KANSL1: variants seen among roughly 807,000 people sequenced by gnomAD.
KANSL1 encodes the protein KAT8 regulatory NSL complex subunit 1.
Under a neutral mutation model 103.6 loss-of-function variants are expected in KANSL1, and 22 were observed. The ratio of observed to expected loss-of-function variants is 0.21; its 90% CI spans 0.15 to 0.30. The LOEUF is 0.30. Among genes scored for constraint, KANSL1 ranks in the 10% least tolerant of loss-of-function variants. KANSL1 has a pLI of 1.00. For missense variants in KANSL1, 1,337 were observed against 1,399.8 expected, an observed-to-expected ratio of 0.96 and a Z score of 0.72; for synonymous variants, 600 against 527.6, an observed-to-expected ratio of 1.14 and a Z score of -1.88.
intron 2 of KANSL1, among the ~76,000 whole-genome samples, chr17:46,155,675 C>A (rs1319501972): frequency 6.6e-6 from 1 of 152,050 alleles, no homozygotes; most frequent in Non-Finnish European, 1.5e-5. Flanking sequence ...GTTAAGAAAA[C>A]CTGCCTAAAA....
At chr17:46,121,270 G>A (rs2043268323) in intron 2 of KANSL1, 1 of 151,806 alleles carries the variant, frequency 6.6e-6, no homozygotes, top group Non-Finnish European at 1.5e-5. Context: ...TAGAGCAAGA[G>A]CTACAATCCT....
chr17:46,096,311 C>CTTTTTTTTTTTTTTTTTTTTT lies in KANSL1; in HGVS notation c.1290-1631_1290-1611dup, dbSNP rs71138525. Among the ~76,000 whole-genome samples the CTTTTTTTTTTTTTTTTTTTTT allele has an allele frequency of 3.0e-3, 228 of 76,382 alleles. 15 individuals carry two copies. Among genetic ancestry groups the CTTTTTTTTTTTTTTTTTTTTT allele is most frequent in the East Asian group, 8.7e-3 (18 of 2,072 alleles). 50.1% of individuals were successfully genotyped at this position (76,382 alleles called of 152,430 possible). A position where few individuals can be genotyped will look rare whatever the true frequency, so the allele number is the denominator to read the frequency against. On this transcript the variant is annotated intron_variant, in intron 2 of 14. Transcript: ENST00000432791. ...CATACTACATACCTGGCTTTTTTTT[C>CTTTTTTTTTTTTTTTTTTTTT]TTTTTTTTTTTTTTTTTTTTTGAGA...
At chr17:46,194,160 G>A (rs954273646), upstream of KANSL1, among the ~76,000 whole-genome samples, 11 of 152,256 alleles carry the variant, frequency 7.2e-5, no homozygotes, top group Non-Finnish European at 1.3e-4. Flanking sequence ...TGATGGCCCC[G>A]CCGGCGCCGG....
rs75793982 is a variant in KANSL1, at chr17:46,102,188, A to G, written c.1290-7487T>C. ...GTCTTAACCCATTCTCATCTGTCAC[A>G]TGACCTAGGTTGTGTCAGCTTTCTA... On this transcript the variant is annotated intron_variant, in intron 2 of 14. Transcript: ENST00000432791. Among the ~76,000 whole-genome samples the G allele has an allele frequency of 4.4e-3, 672 of 152,344 alleles. 9 individuals are homozygous for G. The highest frequency in any genetic ancestry group is 0.015 in the African/African-American group (639 of 41,576).
At chr17:46,179,793 G>A (rs975269829) in intron 1 of KANSL1, among the ~76,000 whole-genome samples, 1 of 152,250 alleles carries the variant, frequency 6.6e-6, no homozygotes, top group East Asian at 1.9e-4. Context: ...TTTGGGCCGG[G>A]CGCAGTGACT....
chr17:46,141,889 C>T (rs1348128664), intron 2 of KANSL1, among the ~76,000 whole-genome samples: 4 of 152,118 alleles, frequency 2.6e-5, no homozygotes, highest in Non-Finnish European at 5.9e-5. Context: ...TAGTTTCTTT[C>T]TTTATTTCTC....
At chr17:46,039,537 C>A in intron 8 of KANSL1, 165 bp downstream of exon 8, 1 of 757,052 alleles carries the variant, frequency 1.3e-6, no homozygotes, top group Non-Finnish European at 2.1e-6. Context: ...CGAAGTCCAT[C>A]TGAGAGCATC....
At chr17:46,097,292 C>T (rs1314809151) in intron 2 of KANSL1, among the ~76,000 whole-genome samples, 1 of 152,148 alleles carries the variant, frequency 6.6e-6, no homozygotes, top group African/African-American at 2.4e-5. Context: ...TAAGTACACA[C>T]AAGTAGTGAA....
At position 46,088,920 on chromosome 17, in the gene KANSL1, T is replaced by C. The variant is rs1208619942; in HGVS notation, c.1431+5640A>G. On this transcript the variant is annotated intron_variant, in intron 3 of 14. Transcript: ENST00000432791. ...ACTGCTTAGTCCCTATTCTTTCCCC[T>C]CATTTACCAGGTGTGAAATTTCAAC... 3.3e-5 allele frequency among the ~76,000 whole-genome samples: 5 copies of C among 152,100 alleles called. No individual in the cohort carries two copies. The East Asian group carries it at 9.6e-4, about 29-fold the overall frequency.
chr17:46,212,254 C>A lies in KANSL1; in HGVS notation c.-90+11417G>T, dbSNP rs185179469. ...TTTTTTTTTTTTAGACAGAGACTTG[C>A]TCTGTCAACAGGCTGGAGTGCAGTG... On this transcript the variant is annotated intron_variant, in intron 1 of 14. Coordinates refer to the KANSL1 transcript ENST00000572904. Among the ~76,000 whole-genome samples the A allele has an allele frequency of 9.2e-4, 140 of 151,626 alleles. 1 individual carries two copies. The highest frequency in any genetic ancestry group is 4.6e-3 in the East Asian group (24 of 5,162).
chr17:46,209,393 T>C (rs1232323331), intron 1 of KANSL1, among the ~76,000 whole-genome samples: 1 of 152,180 alleles, frequency 6.6e-6, no homozygotes, highest in Non-Finnish European at 1.5e-5. Flanking sequence ...CATACAAATC[T>C]CTAATAGTGA....
At chr17:46,182,240 G>T (rs1384708418) in intron 1 of KANSL1, among the ~76,000 whole-genome samples, 2 of 152,114 alleles carry the variant, frequency 1.3e-5, no homozygotes, top group Non-Finnish European at 2.9e-5. Context: ...GAGGAAACAC[G>T]AATCAAAAAA....
At chr17:46,067,516 C>T (rs1259465548) in intron 5 of KANSL1, 33 bp downstream of exon 5, 6 of 1,281,284 alleles carry the variant, frequency 4.7e-6, no homozygotes, top group Non-Finnish European at 6.8e-6. Flanking sequence ...TACAAGTCTA[C>T]TAAGTGTAGG....
At chr17:46,120,593 T>C (rs1212833647) in intron 2 of KANSL1, among the ~76,000 whole-genome samples, 5 of 152,146 alleles carry the variant, frequency 3.3e-5, no homozygotes, top group Non-Finnish European at 5.9e-5. Context: ...GAAAACATGA[T>C]AGTGTAAGTT....
intron 4 of KANSL1, among the ~76,000 whole-genome samples, chr17:46,077,039 C>T (rs771215078): frequency 6.6e-6 from 1 of 152,100 alleles, no homozygotes; most frequent in African/African-American, 2.4e-5. Flanking sequence ...ATTGCATTAG[C>T]CAAGACAGAG....
chr17:46,120,014 C>T (rs561215575), intron 2 of KANSL1: 1 of 152,290 alleles, frequency 6.6e-6, no homozygotes, highest in East Asian at 1.9e-4. Flanking sequence ...AAAAATTATA[C>T]TTAAAACACA....
chr17:46,058,027 A>T (rs2077994362), intron 6 of KANSL1, among the ~76,000 whole-genome samples: 1 of 152,198 alleles, frequency 6.6e-6, no homozygotes. Context: ...GGGCAGGGAG[A>T]GGATCTGAAG....
At chr17:46,138,408 C>CTGTA (rs1318715630) in intron 2 of KANSL1, among the ~76,000 whole-genome samples, 1 of 152,222 alleles carries the variant, frequency 6.6e-6, no homozygotes, top group Non-Finnish European at 1.5e-5. Context: ...AGCATTTACA[C>CTGTA]TGTATTAGGT....
chr17:46,194,153 T>C (rs1415208079), upstream of KANSL1, among the ~76,000 whole-genome samples: 1 of 152,114 alleles, frequency 6.6e-6, no homozygotes, highest in Non-Finnish European at 1.5e-5. Context: ...GGGGAAGTGA[T>C]GGCCCCGCCG....
Sources: allele counts gnomAD v4.1 joint callset (sites outside exome capture counted in the v4.1 genomes callset), GRCh38; gene constraint gnomAD v4.1.1; transcripts MANE v1.5; gene names NCBI Gene and HGNC (gene_info 2026-07-23, HGNC 2026-07-21).